The following OSBPL8 variants were observed in gnomAD, a reference collection of about 807,000 sequenced individuals.
OSBPL8 encodes oxysterol-binding protein-related protein 8.
In OSBPL8, 59 loss-of-function variants were observed where a neutral mutation model predicts 125.5. The ratio of observed to expected loss-of-function variants is 0.47; its 90% CI spans 0.38 to 0.58. The LOEUF is 0.58. OSBPL8 is among the 20% of genes least tolerant of loss of function. The pLI is 0.00. For missense variants in OSBPL8, 758 were observed against 1,047.8 expected (o/e 0.72, Z 3.82); for synonymous variants, 330 against 338.9 (o/e 0.97, Z 0.29).
rs1464575548 is a variant in OSBPL8, at chr12:76,487,566, GGTTT to G, written c.-19_-16del. 2 of 1,587,104 alleles carry G rather than the reference GGTTT, an allele frequency of 1.3e-6. No homozygotes were observed. The highest frequency in any genetic ancestry group is 1.7e-6 in the Non-Finnish European group (2 of 1,170,694). On this transcript the variant is annotated 5_prime_UTR_variant, in exon 2 of 24. It removes the in-frame stop codon of an upstream open reading frame in the 5' UTR. Coordinates refer to ENST00000261183, the MANE Select transcript of OSBPL8 (RefSeq NM_020841.5). ...CCTCCCTCCATAATGAAAGAAGATA[GGTTT>G]ATGCTTCTCTTTCCATTAATGTGCA...
intron 1 of OSBPL8, among the ~76,000 whole-genome samples, chr12:76,520,962 A>T (rs1174671309): frequency 1.3e-5 from 2 of 152,168 alleles, no homozygotes; most frequent in East Asian, 3.8e-4. Context: ...GAGCAGGTAA[A>T]ATTTTGACAT....
chr12:76,440,490 C>A (rs779115792), intron 4 of OSBPL8, among the ~76,000 whole-genome samples: 1 of 152,058 alleles, frequency 6.6e-6, no homozygotes, highest in African/African-American at 2.4e-5. Context: ...TGTGTCAGTT[C>A]TTCCAGGCAC....
At chr12:76,451,718 A>G (rs1271771679) in intron 3 of OSBPL8, among the ~76,000 whole-genome samples, 1 of 152,202 alleles carries the variant, frequency 6.6e-6, no homozygotes, top group Admixed American at 6.5e-5. Flanking sequence ...CCAGTTTCAG[A>G]GAGCAGAAAC....
intron 15 of OSBPL8, 55 bp from the exon 16 acceptor site, chr12:76,378,605 A>T: frequency 7.9e-7 from 1 of 1,266,440 alleles, no homozygotes; most frequent in South Asian, 1.3e-5. Context: ...CCAATTCAAA[A>T]CAAACAAAAT....
rs569007481 is a variant in OSBPL8 at position 76,420,108 on chromosome 12, A to T, written c.218-9474T>A. On this transcript the variant is annotated intron_variant, in intron 4 of 23. Transcript: ENST00000261183. ...GGTTCATTAATACTGTGATATAATA[A>T]AGCAAATTTTATGTTGCGTCAGTCT... Among the ~76,000 whole-genome samples, 6 of 152,226 alleles carry T rather than the reference A, an allele frequency of 3.9e-5. No individual in the cohort carries two copies. In the South Asian group the frequency reaches 1.2e-3, roughly 32 times the overall value.
chr12:76,386,549 A>G, intron 13 of OSBPL8, 30 bp downstream of exon 13: 2 of 1,525,874 alleles, frequency 1.3e-6, no homozygotes, highest in Non-Finnish European at 1.8e-6. Context: ...AAAACACTAA[A>G]GACAATAAAA....
chr12:76,459,707 C>A, intron 3 of OSBPL8, 152 bp downstream of exon 3: 3 of 838,180 alleles, frequency 3.6e-6, no homozygotes, highest in Admixed American at 2.5e-5. Flanking sequence ...ACTAAATGAC[C>A]ATTTATATTC....
At position 76,390,650 on chromosome 12, in the gene OSBPL8, C is replaced by G; in HGVS notation, c.937G>C (p.Asp313His). 4.4e-6 allele frequency: 7 copies of G among 1,604,420 alleles called. No homozygotes were observed. The highest frequency in any genetic ancestry group is 6.0e-6 in the Non-Finnish European group (7 of 1,172,066). ...AAATGTTGTCGTTCAATTTCACTAT[C>G]ATTTAACCTTAAGGGAAAGAATTTT... ...LHSGDNFQLN[D>H]SEIERQHFKD... The change falls in exon 11 of 24, where the codon GAT becomes CAT. Residue 313 changes from aspartate to histidine, a missense_variant. Transcript: ENST00000261183.
At chr12:76,461,329 C>T (rs145734747) in intron 2 of OSBPL8, among the ~76,000 whole-genome samples, 1 of 152,302 alleles carries the variant, frequency 6.6e-6, no homozygotes, top group African/African-American at 2.4e-5. Context: ...CCAACTGTCA[C>T]TTCATATGTC....
At chr12:76,425,842 A>G (rs1350878485) in intron 4 of OSBPL8, among the ~76,000 whole-genome samples, 1 of 152,176 alleles carries the variant, frequency 6.6e-6, no homozygotes, top group Non-Finnish European at 1.5e-5. Flanking sequence ...TTAAACCACA[A>G]GCAATAATGA....
intron 17 of OSBPL8, among the ~76,000 whole-genome samples, chr12:76,373,815 T>A (rs1952711011): frequency 1.3e-5 from 2 of 152,060 alleles, no homozygotes; most frequent in Admixed American, 1.3e-4. Context: ...TAACGATCCA[T>A]TGAAATAAAT....
chr12:76,358,873 G>T, intron 21 of OSBPL8, 62 bp from the exon 22 acceptor site: 1 of 1,260,394 alleles, frequency 7.9e-7, no homozygotes, highest in Non-Finnish European at 1.2e-6. Context: ...GACCAACTGT[G>T]TACAATTGTC....
chr12:76,503,410 T>C (rs921247659), intron 1 of OSBPL8, among the ~76,000 whole-genome samples: 28 of 152,252 alleles, frequency 1.8e-4, no homozygotes, highest in South Asian at 2.1e-4. Flanking sequence ...GGGTCCACCC[T>C]AGTGACCTCA....
chr12:76,420,478 G>C (rs1869330590), intron 4 of OSBPL8, among the ~76,000 whole-genome samples: 1 of 152,026 alleles, frequency 6.6e-6, no homozygotes, highest in Non-Finnish European at 1.5e-5. Context: ...TATGGGTACA[G>C]GGGCAGGGGT....
chr12:76,378,618 A>G lies in OSBPL8; in HGVS notation c.1631-68T>C, dbSNP rs543199542. The stretch of plus-strand genomic sequence containing the variant: ...AACCAATTCAAAACAAACAAAATAT[A>G]TTTAGAACACCTACCAGACATCTAC... On this transcript the variant is annotated intron_variant, in intron 15 of 23. Coordinates refer to ENST00000261183, the MANE Select transcript of OSBPL8 (RefSeq NM_020841.5). The G allele has an allele frequency of 1.1e-4, 123 of 1,078,384 alleles. 1 individual carries two copies. In the South Asian group the frequency reaches 1.7e-3, roughly 14 times the overall value. 66.8% of individuals were successfully genotyped at this position (1,078,384 alleles called of 1,614,324 possible).
At chr12:76,412,727 T>C (rs1868281140) in intron 4 of OSBPL8, among the ~76,000 whole-genome samples, 1 of 152,224 alleles carries the variant, frequency 6.6e-6, no homozygotes, top group South Asian at 2.1e-4. Context: ...AAATTAACCA[T>C]ATTTTACAGT....
At position 76,355,744 on chromosome 12, in the gene OSBPL8, C is replaced by T. The variant is rs1951959370; in HGVS notation, c.*145G>A. 2.0e-5 allele frequency: 16 copies of T among 815,970 alleles called. No homozygotes were observed. The highest frequency in any genetic ancestry group is 2.7e-5 in the Non-Finnish European group (15 of 545,834). 50.5% of individuals were successfully genotyped at this position (815,970 alleles called of 1,614,324 possible). A position where few individuals can be genotyped will look rare whatever the true frequency, so the allele number is the denominator to read the frequency against. On this transcript the variant is annotated 3_prime_UTR_variant, in exon 24 of 24. Transcript: ENST00000261183. ...TGTTTCAGTGTGAAGATAAAAGATA[C>T]GAAAAGTCAATACCTCTACATTTAT...
chr12:76,471,300 C>T (rs1171224671), intron 2 of OSBPL8, among the ~76,000 whole-genome samples: 1 of 152,048 alleles, frequency 6.6e-6, no homozygotes, highest in African/African-American at 2.4e-5. Flanking sequence ...CCAAAACCGA[C>T]TTCATCTTCC....
chr12:76,372,616 T>A (rs1318107941), intron 18 of OSBPL8, among the ~76,000 whole-genome samples: 1 of 152,192 alleles, frequency 6.6e-6, no homozygotes, highest in East Asian at 1.9e-4. Flanking sequence ...CACTTTCTCA[T>A]ATTTCTCAAC....
Sources: allele counts gnomAD v4.1 joint callset (sites outside exome capture counted in the v4.1 genomes callset), GRCh38; gene constraint gnomAD v4.1.1; transcripts MANE v1.5; gene names NCBI Gene and HGNC (gene_info 2026-07-23, HGNC 2026-07-21).